DLC1: variants seen among roughly 807,000 people sequenced by gnomAD.
The protein encoded by DLC1 is DLC1 Rho GTPase activating protein, also known as rho GTPase-activating protein 7.
Under a neutral mutation model 140.3 loss-of-function variants are expected in DLC1, and 54 were observed. The ratio of observed to expected loss-of-function variants is 0.38; its 90% CI spans 0.31 to 0.48. The LOEUF is 0.48. Ranked by LOEUF, DLC1 falls within the 20% of genes least tolerant of loss-of-function variation. The probability of loss-of-function intolerance (pLI) is 0.96; values close to 1 mark genes in which losing one functional copy is unlikely to be tolerated. For missense variants in DLC1, 2,536 were observed against 1,907.0 expected, an observed-to-expected ratio of 1.33 and a Z score of -6.14; for synonymous variants, 986 against 728.1, an observed-to-expected ratio of 1.35 and a Z score of -5.70.
intron 4 of DLC1, among the ~76,000 whole-genome samples, chr8:13,382,529 A>AAGAAAGAAAG (rs59311489): frequency 1.4e-4 from 15 of 109,456 alleles, no homozygotes; most frequent in Non-Finnish European, 2.2e-4. Flanking sequence ...AAAAAAAAAA[A>AAGAAAGAAAG]AAAGAAAGAG....
Position 13,428,351 on chromosome 8 carries a change from A to G in DLC1, c.1024-26732T>C, listed in dbSNP as rs181106501. 2.0e-5 allele frequency among the ~76,000 whole-genome samples: 3 copies of G among 152,312 alleles called. No homozygotes were observed. The East Asian group carries it at 5.8e-4, about 29-fold the overall frequency. On this transcript the variant is annotated intron_variant, in intron 2 of 17. Transcript: ENST00000276297. ...GTAGAGGATTTTCACTTTAATTTTA[A>G]TAGGCATGGCTTGAGAGGAATGTTT...
intron 5 of DLC1, among the ~76,000 whole-genome samples, chr8:13,170,560 C>T (rs1318687594): frequency 1.3e-5 from 2 of 152,018 alleles, no homozygotes; most frequent in Non-Finnish European, 2.9e-5. Context: ...GAAACCCCGT[C>T]CCTACTAAAA....
intron 1 of DLC1, among the ~76,000 whole-genome samples, chr8:13,545,801 T>C (rs1803631952): frequency 6.6e-6 from 1 of 152,122 alleles, no homozygotes; most frequent in Non-Finnish European, 1.5e-5. Context: ...TTTAAAGAAA[T>C]CTTAGAATTA....
intron 5 of DLC1, among the ~76,000 whole-genome samples, chr8:13,219,031 TATGTGA>T (rs372125744): frequency 0.017 from 471 of 27,302 alleles, 90 homozygotes; most frequent in African/African-American, 0.064. Context: ...CGTATATAAT[TATGTGA>T]ATATAATTAT....
intron 2 of DLC1, 149 bp downstream of exon 2, chr8:13,498,900 A>T: frequency 1.2e-6 from 1 of 831,928 alleles, no homozygotes; most frequent in Non-Finnish European, 1.8e-6. Context: ...TGATGGTTTG[A>T]CCAAGTGGGT....
intron 4 of DLC1, among the ~76,000 whole-genome samples, chr8:13,313,938 A>G (rs61618281): frequency 0.077 from 11,647 of 152,096 alleles, 513 homozygotes; most frequent in South Asian, 0.1. Flanking sequence ...GCCAGTGATG[A>G]TATTCTACTT....
At chr8:13,509,719 G>A (rs1228130155) in intron 1 of DLC1, among the ~76,000 whole-genome samples, 1 of 152,052 alleles carries the variant, frequency 6.6e-6, no homozygotes, top group African/African-American at 2.4e-5. Flanking sequence ...AAGAATTTTG[G>A]CAGGACTGAT....
intron 5 of DLC1, among the ~76,000 whole-genome samples, chr8:13,169,218 A>C (rs536913915): frequency 1.1e-4 from 17 of 152,234 alleles, no homozygotes; most frequent in Admixed American, 2.6e-4. Flanking sequence ...CTTACAGATG[A>C]ATCAACTATG....
chr8:13,406,143 A>T (rs1200581284), intron 2 of DLC1, among the ~76,000 whole-genome samples: 3 of 136,628 alleles, frequency 2.2e-5, no homozygotes, highest in Non-Finnish European at 4.7e-5. Flanking sequence ...AGTAGCTGGG[A>T]TTATACGCGC....
chr8:13,282,998 C>T (rs983911870), intron 5 of DLC1, among the ~76,000 whole-genome samples: 4 of 152,244 alleles, frequency 2.6e-5, no homozygotes, highest in African/African-American at 9.6e-5. Context: ...TAACAATTAT[C>T]AACCATCTCA....
chr8:13,579,138 G>C (rs1356016091), intron 1 of DLC1, among the ~76,000 whole-genome samples: 1 of 148,340 alleles, frequency 6.7e-6, no homozygotes, highest in Non-Finnish European at 1.5e-5. Flanking sequence ...ACGGTGTTAG[G>C]AGCTTTGTGC....
At chr8:13,513,949 C>G (rs80031689) in intron 1 of DLC1, among the ~76,000 whole-genome samples, 2 of 152,030 alleles carry the variant, frequency 1.3e-5, no homozygotes, top group African/African-American at 4.8e-5. Context: ...TTAATATAAA[C>G]TAAATTCGAT....
chr8:13,453,436 A>ATTTTTTTTTTTTTTTTTTTTTTTTT (rs1461156619), intron 2 of DLC1, among the ~76,000 whole-genome samples: 2 of 24,386 alleles, frequency 8.2e-5, no homozygotes, highest in African/African-American at 3.7e-4. Context: ...GTATATATAT[A>ATTTTTTTTTTTTTTTTTTTTTTTTT]TGTATATATA....
At chr8:13,214,646 C>T (rs758923609) in intron 5 of DLC1, 1 of 780,234 alleles carries the variant, frequency 1.3e-6, no homozygotes, top group South Asian at 1.3e-5. Context: ...TTTTCTTCTC[C>T]AGCAACATGG....
chr8:13,170,816 A>T (rs1326023793), intron 5 of DLC1, among the ~76,000 whole-genome samples: 2 of 152,046 alleles, frequency 1.3e-5, no homozygotes, highest in Non-Finnish European at 2.9e-5. Flanking sequence ...CTAATGCTAG[A>T]AGAATAGAGT....
At position 13,599,319 on chromosome 8, in the gene DLC1, C is replaced by A. The variant is rs188929898; in HGVS notation, c.-126+5218G>T. On this transcript the variant is annotated intron_variant, in intron 1 of 1. Coordinates refer to the DLC1 transcript ENST00000631382. ...TGAACATTTGGATAAAATGCATGTG[C>A]CATAGAACAATAATAAATTATTAAA... Among the ~76,000 whole-genome samples the A allele has an allele frequency of 1.2e-4, 18 of 151,686 alleles. No homozygotes were observed. In the East Asian group the frequency reaches 3.3e-3, roughly 28 times the overall value.
intron 4 of DLC1, among the ~76,000 whole-genome samples, chr8:13,382,379 C>T (rs906776965): frequency 3.3e-5 from 5 of 150,390 alleles, no homozygotes; most frequent in Non-Finnish European, 7.4e-5. Context: ...AGGTGGCGGG[C>T]GCCTGTAGTC....
At chr8:13,156,041 A>C (rs1824228133) in intron 5 of DLC1, among the ~76,000 whole-genome samples, 1 of 152,194 alleles carries the variant, frequency 6.6e-6, no homozygotes, top group African/African-American at 2.4e-5. Flanking sequence ...AAAATTGGAG[A>C]CAAATGTGAC....
chr8:13,140,070 G>C (rs925477483), intron 5 of DLC1, among the ~76,000 whole-genome samples: 2 of 151,898 alleles, frequency 1.3e-5, no homozygotes, highest in South Asian at 4.2e-4. Context: ...CCTTCCCCCA[G>C]CCCCTGGTAA....
Sources: gnomAD v4.1 joint callset for allele counts (sites outside exome capture counted in the v4.1 genomes callset) on GRCh38, gnomAD v4.1.1 for gene constraint, MANE v1.5 for transcripts, NCBI Gene and HGNC (gene_info 2026-07-23, HGNC 2026-07-21) for gene names.